Variants in SMC3 observed in about 807,000 individuals in gnomAD.
SMC3 encodes structural maintenance of chromosomes 3.
SMC3 carries 20 observed loss-of-function variants against 171.8 expected under a neutral mutation model. That is an observed-to-expected ratio of 0.12 (90% CI 0.08 to 0.17). SMC3 has a LOEUF of 0.17. Ranked by LOEUF, SMC3 falls within the 10% of genes least tolerant of loss-of-function variation. SMC3 has a pLI of 1.00. For synonymous variants in SMC3, 464 were observed against 451.1 expected (o/e 1.03, Z -0.36); for missense variants, 543 against 1,420.4 (o/e 0.38, Z 9.93).
At chr10:110,574,829 G>A (rs753958012) in intron 3 of SMC3, among the ~76,000 whole-genome samples, 11 of 152,204 alleles carry the variant, frequency 7.2e-5, no homozygotes, top group South Asian at 6.2e-4. Context: ...TACAGAGCTC[G>A]GTATAGTATA....
intron 21 of SMC3, among the ~76,000 whole-genome samples, chr10:110,600,116 ATATT>A (rs1471117734): frequency 1.3e-5 from 2 of 152,188 alleles, no homozygotes; most frequent in African/African-American, 4.8e-5. Flanking sequence ...CTGCCTTTAC[ATATT>A]TAATGTTTTG....
chr10:110,581,918 T>G lies in SMC3; in HGVS notation c.548-5T>G, dbSNP rs2134724717. 1.2e-6 allele frequency: 2 copies of G among 1,612,510 alleles called. No individual in the cohort carries two copies. The highest frequency in any genetic ancestry group is 2.7e-5 in the African/African-American group (2 of 75,008). ...TCTTCCACCTCTCTCCCCATTTCTTTTAAGAGGGCAAACGGGAAAAAATCA... is the reference window on the plus strand; with the variant it reads ...TCTTCCACCTCTCTCCCCATTTCTTGTAAGAGGGCAAACGGGAAAAAATCA... On this transcript the variant is annotated splice_region_variant and splice_polypyrimidine_tract_variant and intron_variant, in intron 8 of 28. Transcript: ENST00000361804.
intron 3 of SMC3, among the ~76,000 whole-genome samples, chr10:110,575,098 AT>A (rs1444450560): frequency 6.6e-6 from 1 of 151,860 alleles, no homozygotes; most frequent in Non-Finnish European, 1.5e-5. Flanking sequence ...GTTTCTCTTT[AT>A]TTCCTTACCT....
At chr10:110,596,041 C>G (rs1861295380) in intron 18 of SMC3, among the ~76,000 whole-genome samples, 1 of 147,740 alleles carries the variant, frequency 6.8e-6, no homozygotes. Flanking sequence ...AGTTCGAGAA[C>G]CGCCTGGGCA....
chr10:110,568,823 T>A lies in SMC3; in HGVS notation c.16-115T>A. 1.0e-5 allele frequency: 7 copies of A among 673,290 alleles called. No homozygotes were observed. In the South Asian group the frequency reaches 1.2e-4, roughly 11 times the overall value. 41.7% of individuals were successfully genotyped at this position (673,290 alleles called of 1,614,324 possible). A position where few individuals can be genotyped will look rare whatever the true frequency, so the allele number is the denominator to read the frequency against. On this transcript the variant is annotated intron_variant, in intron 1 of 28. Coordinates refer to ENST00000361804, the MANE Select transcript of SMC3 (RefSeq NM_005445.4). The stretch of plus-strand genomic sequence containing the variant: ...CACTTTCCAAAATGAATTTTTCTTA[T>A]ATGAAATTTCGAGTTTTCTATATTG...
At position 110,577,836 on chromosome 10, in the gene SMC3, T is replaced by G. The variant is rs1860975738; in HGVS notation, c.272T>G (p.Ile91Ser). The G allele has an allele frequency of 6.2e-7, 1 of 1,606,920 alleles. No individual in the cohort carries two copies. The highest frequency in any genetic ancestry group is 1.3e-5 in the African/African-American group (1 of 74,752). Residue 91 changes from isoleucine (I) to serine (S), a missense_variant and splice_region_variant, in exon 6 of 29, where the codon ATC becomes AGC. Around this residue, in one of 8 missense-constraint regions of SMC3, gnomAD observed 146 missense variants for 437.9 expected, o/e 0.33. Transcript: ENST00000361804. ...IFDNSDNRLP[I>S]DKEEVSLRRV... ...GTGGGCTTTTACATTTTTTCTTAGATCGATAAAGAGGAAGTTTCACTTCGA... is the reference window on the plus strand; with the variant it reads ...GTGGGCTTTTACATTTTTTCTTAGAGCGATAAAGAGGAAGTTTCACTTCGA...
intron 2 of SMC3, among the ~76,000 whole-genome samples, chr10:110,571,209 ATAACAGTC>A (rs941224316): frequency 4.6e-5 from 7 of 152,236 alleles, no homozygotes; most frequent in African/African-American, 1.7e-4. Context: ...ATTCTTAATA[ATAACAGTC>A]TATACTTGTG....
rs536531454 is a variant in SMC3, at chr10:110,583,616, T to C, written c.969+68T>C. The C allele has an allele frequency of 3.3e-6, 5 of 1,520,220 alleles. No homozygotes were observed. In the South Asian group the frequency reaches 4.6e-5, roughly 14 times the overall value. 94.2% of individuals were successfully genotyped at this position (1,520,220 alleles called of 1,614,324 possible). ...GAGTAGCAACTGTAGAAGACAGCCCTTTCTGTGACTGGTGTGTGTTGGAAT... is the reference window on the plus strand; with the variant it reads ...GAGTAGCAACTGTAGAAGACAGCCCCTTCTGTGACTGGTGTGTGTTGGAAT... On this transcript the variant is annotated intron_variant, in intron 11 of 28. Coordinates refer to ENST00000361804, the MANE Select transcript of SMC3 (RefSeq NM_005445.4).
intron 3 of SMC3, among the ~76,000 whole-genome samples, chr10:110,574,156 T>C (rs534414351): frequency 1.1e-4 from 16 of 152,342 alleles, no homozygotes; most frequent in African/African-American, 3.4e-4. Context: ...TAGTATTGTT[T>C]TGGAAAATTG....
chr10:110,584,118 T>TATTGGTTGCAATTA, intron 12 of SMC3, 65 bp from the exon 13 acceptor site: 1 of 1,464,128 alleles, frequency 6.8e-7, no homozygotes, highest in Admixed American at 1.7e-5. Context: ...CAGTTGACAT[T>TATTGGTTGCAATTA]ATTGGTTGCA....
chr10:110,583,799 G>A, intron 11 of SMC3, 42 bp from the exon 12 acceptor site: 1 of 1,600,038 alleles, frequency 6.2e-7, no homozygotes, highest in South Asian at 1.1e-5. Flanking sequence ...CCTAAATTAT[G>A]CAAAAAATTT....
At chr10:110,588,282 G>A (rs984637955) in intron 13 of SMC3, among the ~76,000 whole-genome samples, 17 of 152,224 alleles carry the variant, frequency 1.1e-4, no homozygotes, top group Admixed American at 6.5e-4. Flanking sequence ...GAGCCACCGC[G>A]CCCGGCCAAT....
chr10:110,584,475 T>A (rs575195800), intron 13 of SMC3, 79 bp downstream of exon 13: 2 of 1,010,420 alleles, frequency 2.0e-6, no homozygotes, highest in Non-Finnish European at 3.0e-6. Flanking sequence ...TCAAGTTTTC[T>A]TTTTAAATAA....
chr10:110,601,912 C>A (rs1861393465), intron 24 of SMC3, 28 bp downstream of exon 24: 12 of 1,612,932 alleles, frequency 7.4e-6, no homozygotes, highest in Non-Finnish European at 1.0e-5. Context: ...AGTCTTGTTA[C>A]AAATTGCTCA....
intron 13 of SMC3, among the ~76,000 whole-genome samples, chr10:110,588,179 A>T (rs1861153305): frequency 6.6e-6 from 1 of 152,166 alleles, no homozygotes; most frequent in East Asian, 1.9e-4. Flanking sequence ...TTCAGTAGAG[A>T]CGGGGTTTCA....
intron 3 of SMC3, among the ~76,000 whole-genome samples, chr10:110,574,866 C>G (rs757465621): frequency 6.6e-6 from 1 of 152,214 alleles, no homozygotes; most frequent in Non-Finnish European, 1.5e-5. Flanking sequence ...TTGGGCATCT[C>G]AAACATTTCC....
At chr10:110,579,386 A>G (rs1025474785) in intron 7 of SMC3, among the ~76,000 whole-genome samples, 2 of 152,152 alleles carry the variant, frequency 1.3e-5, no homozygotes, top group Admixed American at 1.3e-4. Context: ...CGATTTAACT[A>G]TTTGTGGGAG....
intron 25 of SMC3, 79 bp downstream of exon 25, chr10:110,602,257 AGCT>A: frequency 1.5e-6 from 2 of 1,373,486 alleles, no homozygotes; most frequent in East Asian, 2.3e-5. Flanking sequence ...AAGATTTTAA[AGCT>A]GTTTTCCTCA....
chr10:110,590,348 A>C, intron 15 of SMC3, 64 bp from the exon 16 acceptor site: 3 of 1,382,446 alleles, frequency 2.2e-6, no homozygotes, highest in Non-Finnish European at 3.1e-6. Context: ...TTGTGGGCTC[A>C]TTCCTTACCA....
Sources: gnomAD v4.1 joint callset for allele counts (sites outside exome capture counted in the v4.1 genomes callset) on GRCh38, gnomAD v4.1.1 for gene constraint, gnomAD v4.1.1 regional missense constraint, MANE v1.5 for transcripts, NCBI Gene and HGNC (gene_info 2026-07-23, HGNC 2026-07-21) for gene names.